The following AMDHD2 variants were observed in gnomAD, a reference collection of about 807,000 sequenced individuals.
The protein encoded by AMDHD2 is amidohydrolase domain containing 2.
In AMDHD2, 24 loss-of-function variants were observed where a neutral mutation model predicts 41.8. The observed-to-expected ratio is 0.57, with a 90% CI of 0.42 to 0.81. The LOEUF (loss-of-function observed/expected upper bound fraction) is 0.81. Among genes scored for constraint, AMDHD2 ranks in the 30% least tolerant of loss-of-function variants. The pLI is 0.00. For synonymous variants in AMDHD2, 332 were observed against 255.5 expected, an observed-to-expected ratio of 1.30 and a Z score of -2.85; for missense variants, 540 against 588.5, an observed-to-expected ratio of 0.92 and a Z score of 0.85.
chr16:2,521,052 A>G lies in AMDHD2; in HGVS notation c.289A>G (p.Arg97Gly). The G allele has an allele frequency of 6.2e-7, 1 of 1,611,056 alleles. No individual in the cohort carries two copies. Reference sequence around the variant, plus strand: ...TTCGGGGGTTGCCCTCGTGGCCCGGAGGATCCTGTCGCACGGCGTCACCTC... The same window carrying G: ...TTCGGGGGTTGCCCTCGTGGCCCGGGGGATCCTGTCGCACGGCGTCACCTC... ...VGSGVALVARRILSHGVTSFC... is the reference protein window; with the variant it reads ...VGSGVALVARGILSHGVTSFC... The change falls in exon 3 of 11, where the codon AGG becomes GGG. Residue 97 changes from arginine to glycine, a missense_variant. Transcript: ENST00000293971.
chr16:2,529,406 G>A (rs555380110), intron 10 of AMDHD2, 69 bp from the exon 11 acceptor site: 33 of 1,593,338 alleles, frequency 2.1e-5, no homozygotes, highest in Non-Finnish European at 2.7e-5. Flanking sequence ...TCGGGTTGTT[G>A]GGGAGCAGCT....
intron 9 of AMDHD2, 134 bp downstream of exon 9, chr16:2,528,852 G>C (rs2066045248): frequency 1.3e-6 from 2 of 1,523,844 alleles, no homozygotes; most frequent in Non-Finnish European, 1.8e-6. Flanking sequence ...TGGTGACTCA[G>C]GCCCAGGGTG....
chr16:2,529,343 G>C, intron 10 of AMDHD2, 132 bp from the exon 11 acceptor site: 1 of 1,409,974 alleles, frequency 7.1e-7, no homozygotes, highest in Non-Finnish European at 9.7e-7. Context: ...TCTGTGATGG[G>C]TCAGGGTGTC....
At chr16:2,528,873 C>G in intron 9 of AMDHD2, 121 bp from the exon 10 acceptor site, 1 of 1,482,020 alleles carries the variant, frequency 6.7e-7, no homozygotes, top group Non-Finnish European at 9.1e-7. Flanking sequence ...ACAGGCAGAC[C>G]AGCAGGGTCC....
chr16:2,530,352 C>T lies in AMDHD2; in HGVS notation c.*789C>T. ...TGCTCACCCCATTAGTGTCATCCTG[C>T]CATCTTCTGTGTCCCCTTGGCCCTG... On this transcript the variant is annotated 3_prime_UTR_variant, in exon 11 of 11. Coordinates refer to ENST00000293971, the MANE Select transcript of AMDHD2 (RefSeq NM_001330449.2). 3 of 1,614,178 alleles carry T rather than the reference C, an allele frequency of 1.9e-6. No individual in the cohort carries two copies. The highest frequency in any genetic ancestry group is 2.5e-6 in the Non-Finnish European group (3 of 1,180,024).
At position 2,520,787 on chromosome 16, in the gene AMDHD2, C is replaced by T; in HGVS notation, c.102C>T (p.Arg34=). ...TCCCCAGGGAGGATCTGTGGGTGCG[C>T]GGAGGCCGCATCTTGGACCCAGAGA... ...GKLLREDLWV[R]GGRILDPEKL... Residue 34 remains arginine (R), a synonymous_variant, in exon 2 of 11, where the codon CGC becomes CGT. Coordinates refer to ENST00000293971, the MANE Select transcript of AMDHD2 (RefSeq NM_001330449.2). 1 of 1,603,382 alleles carries T rather than the reference C, an allele frequency of 6.2e-7. No individual in the cohort carries two copies. Among genetic ancestry groups the T allele is most frequent in the Non-Finnish European group, 8.5e-7 (1 of 1,176,876 alleles).
In AMDHD2 at chr16:2,529,586, A is replaced by C. The variant is rs2141914172; in HGVS notation, c.*23A>C. On this transcript the variant is annotated 3_prime_UTR_variant, in exon 11 of 11. Coordinates refer to ENST00000293971, the MANE Select transcript of AMDHD2 (RefSeq NM_001330449.2). The stretch of plus-strand genomic sequence containing the variant: ...TGACAAGGACCTCGGCTGAGAGGAC[A>C]CCTGGCCGCAGCGGGATGCCATCAG... 6.2e-7 allele frequency: 1 copy of C among 1,604,432 alleles called. No homozygotes were observed. The highest frequency in any genetic ancestry group is 2.2e-5 in the East Asian group (1 of 44,840).
chr16:2,529,287 G>T, intron 10 of AMDHD2, 188 bp from the exon 11 acceptor site: 1 of 1,087,752 alleles, frequency 9.2e-7, no homozygotes, highest in Non-Finnish European at 1.3e-6. Flanking sequence ...TTGCAGACAA[G>T]GCCAGGCAAG....
In AMDHD2 at chr16:2,527,817, G is replaced by A. The variant is rs1039735970; in HGVS notation, c.460G>A (p.Ala154Thr). The A allele has an allele frequency of 1.3e-5, 21 of 1,591,274 alleles. No individual in the cohort carries two copies. Among genetic ancestry groups the A allele is most frequent in the East Asian group, 6.7e-5 (3 of 44,662 alleles). ...GPFISREKRG[A>T]HPEAHLRSFE... is the part of the protein sequence containing the mutation. ...CTTCATCAGCCGGGAGAAGCGGGGC[G>A]CGCACCCCGAGGCCCACCTCCGCTC... The change falls in exon 5 of 11, where the codon GCG (alanine) becomes ACG (threonine). Residue 154 changes from alanine (A) to threonine (T), a missense_variant. Transcript: ENST00000293971. The surrounding 1 kb of genome is among the most constrained non-coding windows in gnomAD (Gnocchi z 6.1).
chr16:2,530,816 A>G lies in AMDHD2; in HGVS notation c.*1253A>G. On this transcript the variant is annotated 3_prime_UTR_variant, in exon 11 of 11. Coordinates refer to ENST00000293971, the MANE Select transcript of AMDHD2 (RefSeq NM_001330449.2). The stretch of plus-strand genomic sequence containing the variant: ...ATCTCAGCCCACAAGCCCCAGGGGC[A>G]GCCCAGGAAAGCAGGCGACGGATGT... 2 of 1,613,792 alleles carry G rather than the reference A, an allele frequency of 1.2e-6. No individual in the cohort carries two copies. Among genetic ancestry groups the G allele is most frequent in the Non-Finnish European group, 1.7e-6 (2 of 1,179,988 alleles).
chr16:2,526,427 C>T (rs1383503653), intron 3 of AMDHD2, among the ~76,000 whole-genome samples: 1 of 152,130 alleles, frequency 6.6e-6, no homozygotes, highest in Non-Finnish European at 1.5e-5. Context: ...TCCCCGGGGG[C>T]CCGACCGGCA....
Position 2,528,577 on chromosome 16 carries a change from C to G in AMDHD2, c.970+18C>G, listed in dbSNP as rs2066039961. ...CGTGGCAGGTGAGCGCCCTGACCCACTGGGTCCCAGGTCCCAGCCCGCATG... is the reference window on the plus strand; with the variant it reads ...CGTGGCAGGTGAGCGCCCTGACCCAGTGGGTCCCAGGTCCCAGCCCGCATG... On this transcript the variant is annotated intron_variant, in intron 8 of 10. Coordinates refer to ENST00000293971, the MANE Select transcript of AMDHD2 (RefSeq NM_001330449.2). 3 of 1,612,658 alleles carry G rather than the reference C, an allele frequency of 1.9e-6. No individual in the cohort carries two copies. The highest frequency in any genetic ancestry group is 2.5e-6 in the Non-Finnish European group (3 of 1,179,934).
Position 2,527,927 on chromosome 16 carries a change from G to T in AMDHD2, c.570G>T (p.Leu190Phe). 1 of 1,598,218 alleles carries T rather than the reference G, an allele frequency of 6.3e-7. No homozygotes were observed. Residue 190 changes from leucine (L) to phenylalanine (F), a missense_variant, in exon 5 of 11, where the codon TTG (leucine) becomes TTT (phenylalanine). By Grantham distance (22) the Leu-to-Phe change is conservative. Transcript: ENST00000293971. This position sits in a 1 kb window ranked among gnomAD's most constrained non-coding sequence, Gnocchi z 6.1. ...GCATCGTGACGCTGGCCCCAGAGTT[G>T]GGCCGTAGCCACGAAGTGATCCGGG... ...NVRIVTLAPE[L>F]GRSHEVIRAL...
rs752193917 is a variant in AMDHD2, at chr16:2,531,037, G to A, written c.*1474G>A. The stretch of plus-strand genomic sequence containing the variant: ...GTGTTAGAGGTTGAGCATCGCCTGT[G>A]CCCAGCTTGCTGGCTGTCAGTGCTT... On this transcript the variant is annotated 3_prime_UTR_variant, in exon 11 of 11. Transcript: ENST00000293971. The A allele has an allele frequency of 4.4e-6, 7 of 1,598,614 alleles. No homozygotes were observed. Among genetic ancestry groups the A allele is most frequent in the Non-Finnish European group, 3.4e-6 (4 of 1,168,344 alleles).
Position 2,530,546 on chromosome 16 carries a change from G to A in AMDHD2, c.*983G>A. ...TTGTCTTGACTTTCTCTCCATTTGAGTTCTGGGGTGGGTGGCTCCCTTCCC... is the reference window on the plus strand; with the variant it reads ...TTGTCTTGACTTTCTCTCCATTTGAATTCTGGGGTGGGTGGCTCCCTTCCC... On this transcript the variant is annotated 3_prime_UTR_variant, in exon 11 of 11. Transcript: ENST00000293971. 2 of 1,614,202 alleles carry A rather than the reference G, an allele frequency of 1.2e-6. No individual in the cohort carries two copies. Among genetic ancestry groups the A allele is most frequent in the Non-Finnish European group, 1.7e-6 (2 of 1,180,022 alleles).
rs775945650 is a variant in AMDHD2 at position 2,528,660 on chromosome 16, G to A, written c.981G>A (p.Thr327=). The change falls in exon 9 of 11, where the codon ACG becomes ACA. Residue 327 remains threonine, a synonymous_variant. Coordinates refer to ENST00000293971, the MANE Select transcript of AMDHD2 (RefSeq NM_001330449.2). ...GLTAYVAGTK[T]LSGSIAPMDV... ...CTCTCTGCTCTCAAGGCACCAAGAC[G>A]CTGAGTGGCAGCATAGCCCCAATGG... 1.9e-5 allele frequency: 31 copies of A among 1,612,880 alleles called. No individual in the cohort carries two copies. The highest frequency in any genetic ancestry group is 4.5e-5 in the East Asian group (2 of 44,900).
chr16:2,528,006 G>T (rs758970469), intron 5 of AMDHD2, 21 bp downstream of exon 5: 1 of 1,609,288 alleles, frequency 6.2e-7, no homozygotes, highest in Admixed American at 1.7e-5. Context: ...GGCTCGGGGT[G>T]GGCCTGCTTG....
rs1419424569 is a variant in AMDHD2 at position 2,527,424 on chromosome 16, C to G, written c.361-137C>G. On this transcript the variant is annotated intron_variant, in intron 3 of 10. Coordinates refer to ENST00000293971, the MANE Select transcript of AMDHD2 (RefSeq NM_001330449.2). This position sits in a 1 kb window ranked among gnomAD's most constrained non-coding sequence, Gnocchi z 6.1. ...CTGCCGGCTGTGCTTTCCCTGACCC[C>G]TGTGAGGGGACAGGCGGCCGGGGCT... is the stretch of plus-strand genomic sequence containing the variant. 1.1e-6 allele frequency: 1 copy of G among 871,340 alleles called. No individual in the cohort carries two copies. Among genetic ancestry groups the G allele is most frequent in the African/African-American group, 1.7e-5 (1 of 58,614 alleles). The allele number at this position is 871,340 out of a possible 1,614,324, so 54.0% of individuals were successfully genotyped here. A position where few individuals can be genotyped will look rare whatever the true frequency, so the allele number is the denominator to read the frequency against.
chr16:2,527,516 G>A lies in AMDHD2; in HGVS notation c.361-45G>A. ...GCCTTGGCTAGGCTGTGGCCTCTGG[G>A]AATGGGCTGTGGGGGACAGGGCTTT... On this transcript the variant is annotated intron_variant, in intron 3 of 10. Coordinates refer to ENST00000293971, the MANE Select transcript of AMDHD2 (RefSeq NM_001330449.2). The surrounding 1 kb of genome is among the most constrained non-coding windows in gnomAD (Gnocchi z 6.1). The A allele has an allele frequency of 6.3e-7, 1 of 1,594,028 alleles. No homozygotes were observed. Among genetic ancestry groups the A allele is most frequent in the Non-Finnish European group, 8.5e-7 (1 of 1,170,006 alleles).
Sources: allele counts gnomAD v4.1 joint callset (sites outside exome capture counted in the v4.1 genomes callset), GRCh38; gene constraint gnomAD v4.1.1; non-coding constraint Gnocchi (gnomAD v3.1); transcripts MANE v1.5; gene names NCBI Gene and HGNC (gene_info 2026-07-23, HGNC 2026-07-21).